NBEA: variants seen among roughly 807,000 people sequenced by gnomAD.
The protein encoded by NBEA is neurobeachin, also known as lysosomal-trafficking regulator 2.
A neutral mutation model predicts 343.4 loss-of-function variants in NBEA; 44 were observed. That is an observed-to-expected ratio of 0.13 (90% CI 0.10 to 0.16). The LOEUF (loss-of-function observed/expected upper bound fraction) is 0.16, where lower values mean the gene tolerates loss of function less well. Ranked by LOEUF, NBEA falls within the 10% of genes least tolerant of loss-of-function variation. The pLI is 1.00. For synonymous variants in NBEA, 1,175 were observed against 1,238.7 expected (o/e 0.95, Z 1.08); for missense variants, 2,555 against 3,631.3 (o/e 0.70, Z 7.62).
intron 38 of NBEA, among the ~76,000 whole-genome samples, chr13:35,425,530 G>A (rs2044606387): frequency 6.6e-6 from 1 of 152,272 alleles, no homozygotes; most frequent in Admixed American, 6.5e-5. Flanking sequence ...TATAATTTCT[G>A]TTCTTTTACA....
In NBEA at chr13:34,942,320, C is replaced by G. The variant is rs949110919; in HGVS notation, c.-501C>G. ...GGCGGCAACATGGCGGAGTGAGCGG[C>G]GGCGTCGGGGCTTCACAACAACAGT... On this transcript the variant is annotated 5_prime_UTR_variant, in exon 1 of 59. Coordinates refer to ENST00000379939, the MANE Select transcript of NBEA (RefSeq NM_001385012.1). 6.5e-6 allele frequency: 1 copy of G among 153,684 alleles called. No homozygotes were observed. Among genetic ancestry groups the G allele is most frequent in the Non-Finnish European group, 1.4e-5 (1 of 68,992 alleles). 9.5% of individuals were successfully genotyped at this position (153,684 alleles called of 1,614,324 possible). A position where few individuals can be genotyped will look rare whatever the true frequency, so the allele number is the denominator to read the frequency against.
At chr13:35,066,552 A>G (rs2063659977) in intron 8 of NBEA, among the ~76,000 whole-genome samples, 1 of 151,904 alleles carries the variant, frequency 6.6e-6, no homozygotes, top group African/African-American at 2.4e-5. Context: ...TGTCTTTTTA[A>G]TATCTAGTAA....
At chr13:35,350,668 T>G (rs949483810) in intron 37 of NBEA, among the ~76,000 whole-genome samples, 6 of 151,950 alleles carry the variant, frequency 3.9e-5, no homozygotes, top group Non-Finnish European at 7.4e-5. Flanking sequence ...ATTTGATGAT[T>G]GTACCTTATT....
chr13:35,202,267 G>A (rs1191738158), intron 31 of NBEA, among the ~76,000 whole-genome samples: 2 of 152,096 alleles, frequency 1.3e-5, no homozygotes, highest in African/African-American at 2.4e-5. Flanking sequence ...GTCAATTATT[G>A]AAATATATTG....
At chr13:35,169,578 A>C (rs868099464) in intron 25 of NBEA, among the ~76,000 whole-genome samples, 13 of 151,664 alleles carry the variant, frequency 8.6e-5, no homozygotes, top group African/African-American at 1.9e-4. Context: ...ACCATTAAAT[A>C]ATGAATATAG....
At chr13:35,130,731 A>G (rs1376797136) in intron 17 of NBEA, among the ~76,000 whole-genome samples, 2 of 152,078 alleles carry the variant, frequency 1.3e-5, no homozygotes, top group Non-Finnish European at 2.9e-5. Flanking sequence ...ACACAAAACT[A>G]TAGAAATTAT....
intron 38 of NBEA, among the ~76,000 whole-genome samples, chr13:35,356,712 C>T (rs1421627210): frequency 6.6e-6 from 1 of 152,028 alleles, no homozygotes; most frequent in African/African-American, 2.4e-5. Flanking sequence ...TGTGTTTCAC[C>T]ATTACGTCTG....
chr13:35,310,435 T>C (rs1299984381), intron 36 of NBEA, among the ~76,000 whole-genome samples: 1 of 152,200 alleles, frequency 6.6e-6, no homozygotes, highest in African/African-American at 2.4e-5. Context: ...TTATATAGTG[T>C]GAACTCTGAT....
At chr13:35,069,048 A>G (rs1390213898) in intron 8 of NBEA, among the ~76,000 whole-genome samples, 2 of 152,284 alleles carry the variant, frequency 1.3e-5, no homozygotes, top group Middle Eastern at 3.4e-3. Flanking sequence ...TTTGCTCAGC[A>G]TGAAAAAGAT....
At chr13:35,038,307 A>G (rs1486280663) in intron 1 of NBEA, among the ~76,000 whole-genome samples, 3 of 152,086 alleles carry the variant, frequency 2.0e-5, no homozygotes, top group Non-Finnish European at 4.4e-5. Flanking sequence ...AATGCTGTCC[A>G]ATAGTCAAGT....
chr13:35,254,706 C>T (rs1025358712), intron 34 of NBEA, among the ~76,000 whole-genome samples: 1 of 152,008 alleles, frequency 6.6e-6, no homozygotes, highest in South Asian at 2.1e-4. Context: ...AAGATAAAGA[C>T]AGTTTAATTA....
chr13:35,209,728 C>G (rs375822195), intron 32 of NBEA, among the ~76,000 whole-genome samples: 1 of 151,922 alleles, frequency 6.6e-6, no homozygotes, highest in African/African-American at 2.4e-5. Context: ...TTTCATAGCT[C>G]TTTTTTGTGC....
chr13:35,124,251 TTG>T (rs752572237), intron 17 of NBEA, among the ~76,000 whole-genome samples: 6,545 of 148,874 alleles, frequency 0.044, 208 homozygotes, highest in Non-Finnish European at 0.066. Context: ...ATTTTCGCCC[TTG>T]TTTTTTTTTT....
chr13:35,552,667 A>G (rs936965123), intron 43 of NBEA, among the ~76,000 whole-genome samples: 2 of 152,146 alleles, frequency 1.3e-5, no homozygotes, highest in African/African-American at 4.8e-5. Context: ...CCTATTTAAG[A>G]ATAATCTCCT....
At chr13:35,602,008 G>C (rs1238684904) in intron 47 of NBEA, among the ~76,000 whole-genome samples, 1 of 152,036 alleles carries the variant, frequency 6.6e-6, no homozygotes, top group Non-Finnish European at 1.5e-5. Context: ...TGAAGATTAA[G>C]AAAATATATG....
At chr13:35,469,614 A>T (rs2075552201) in intron 40 of NBEA, among the ~76,000 whole-genome samples, 1 of 152,234 alleles carries the variant, frequency 6.6e-6, no homozygotes, top group African/African-American at 2.4e-5. Context: ...AACATTTAAT[A>T]TCAATATTTC....
intron 38 of NBEA, among the ~76,000 whole-genome samples, chr13:35,403,937 C>T (rs1409345012): frequency 9.2e-5 from 14 of 152,188 alleles, no homozygotes; most frequent in South Asian, 2.1e-4. Flanking sequence ...AAAAAGTGGG[C>T]GAAGGACATC....
intron 4 of NBEA, 58 bp downstream of exon 4, chr13:35,045,459 A>G (rs549782996): frequency 4.5e-5 from 60 of 1,337,230 alleles, no homozygotes; most frequent in Non-Finnish European, 5.8e-5. Flanking sequence ...CACCTTTAGT[A>G]AGGTTTAACT....
intron 44 of NBEA, among the ~76,000 whole-genome samples, chr13:35,560,331 T>C (rs1031201515): frequency 6.6e-6 from 1 of 152,216 alleles, no homozygotes; most frequent in African/African-American, 2.4e-5. Context: ...AAATAATTAA[T>C]GATTTAAAAC....
Sources: allele counts gnomAD v4.1 joint callset (sites outside exome capture counted in the v4.1 genomes callset), GRCh38; gene constraint gnomAD v4.1.1; transcripts MANE v1.5; gene names NCBI Gene and HGNC (gene_info 2026-07-23, HGNC 2026-07-21).